FMN2: variants seen among roughly 807,000 people sequenced by gnomAD.
FMN2 encodes formin-2.
Under a neutral mutation model 142.3 loss-of-function variants are expected in FMN2, and 51 were observed. That is an observed-to-expected ratio of 0.36 (90% CI 0.29 to 0.45). The LOEUF (loss-of-function observed/expected upper bound fraction) is 0.45. Ranked by LOEUF, FMN2 falls within the 20% of genes least tolerant of loss-of-function variation. The probability of loss-of-function intolerance (pLI) is 1.00; values close to 1 mark genes in which losing one functional copy is unlikely to be tolerated. For synonymous variants in FMN2, 882 were observed against 869.8 expected (o/e 1.01, Z -0.25); for missense variants, 1,936 against 2,122.8 (o/e 0.91, Z 1.73).
chr1:240,329,426 C>T lies in FMN2; in HGVS notation c.4395C>T (p.Cys1465=). 6.2e-7 allele frequency: 1 copy of T among 1,614,096 alleles called. No homozygotes were observed. The highest frequency in any genetic ancestry group is 2.2e-5 in the East Asian group (1 of 44,878). The change falls in exon 10 of 18, where the codon TGC becomes TGT. Residue 1465 remains cysteine, a synonymous_variant. Transcript: ENST00000319653. ...LFQSTFSESI[C]SIRRKLELLQ... ...AGTCCACATTTTCAGAAAGCATTTGCTCAATTCGTCGCAAACTGGAATTAC... is the reference window on the plus strand; with the variant it reads ...AGTCCACATTTTCAGAAAGCATTTGTTCAATTCGTCGCAAACTGGAATTAC...
At chr1:240,210,057 C>T (rs957323260) in intron 5 of FMN2, among the ~76,000 whole-genome samples, 3 of 152,144 alleles carry the variant, frequency 2.0e-5, no homozygotes. Flanking sequence ...AATTTCATGG[C>T]ACTTCTGTCC....
Position 240,207,496 on chromosome 1 carries a change from C to T in FMN2, c.2684C>T (p.Ala895Val). 1 of 1,613,574 alleles carries T rather than the reference C, an allele frequency of 6.2e-7. No homozygotes were observed. The highest frequency in any genetic ancestry group is 8.5e-7 in the Non-Finnish European group (1 of 1,179,778). The change falls in exon 5 of 18, where the codon GCC becomes GTC. Residue 895 changes from alanine to valine, a missense_variant. Physicochemically the swap from Ala to Val is moderately conservative, Grantham distance 64. Transcript: ENST00000319653. ...GMTVPTLPST[A>V]IPQPPPLQGT... ...ACAGTGCCTACTCTGCCCAGTACAGCCATTCCCCAACCTCCTCCTCTGCAG... is the reference window on the plus strand; with the variant it reads ...ACAGTGCCTACTCTGCCCAGTACAGTCATTCCCCAACCTCCTCCTCTGCAG...
chr1:240,402,540 A>G (rs1340156263), intron 15 of FMN2, among the ~76,000 whole-genome samples: 2 of 152,272 alleles, frequency 1.3e-5, no homozygotes, highest in Non-Finnish European at 1.5e-5. Flanking sequence ...TCACTGGGCA[A>G]GCCAAGCCAT....
At chr1:240,229,559 CTA>C (rs1374786648) in intron 6 of FMN2, among the ~76,000 whole-genome samples, 7 of 152,130 alleles carry the variant, frequency 4.6e-5, no homozygotes, top group Admixed American at 6.5e-5. Flanking sequence ...TAAAAAATGA[CTA>C]TGTTTGGTGG....
At chr1:240,133,371 A>G (rs1662816552) in intron 2 of FMN2, among the ~76,000 whole-genome samples, 1 of 152,076 alleles carries the variant, frequency 6.6e-6, no homozygotes, top group South Asian at 2.1e-4. Flanking sequence ...GGGTCTCCTT[A>G]TGTGGCCAAG....
intron 4 of FMN2, among the ~76,000 whole-genome samples, chr1:240,196,917 A>G (rs1282458921): frequency 6.6e-6 from 1 of 152,196 alleles, no homozygotes; most frequent in Non-Finnish European, 1.5e-5. Flanking sequence ...TTGGAGGATA[A>G]GATGCTTGAT....
At chr1:240,149,040 T>A (rs976652692) in intron 2 of FMN2, among the ~76,000 whole-genome samples, 2 of 152,176 alleles carry the variant, frequency 1.3e-5, no homozygotes, top group Non-Finnish European at 2.9e-5. Flanking sequence ...TATACTGTAC[T>A]CATAAGCCTA....
chr1:240,160,526 C>G (rs937416917), intron 2 of FMN2, among the ~76,000 whole-genome samples: 7 of 149,656 alleles, frequency 4.7e-5, no homozygotes, highest in African/African-American at 1.7e-4. Flanking sequence ...AATGATTCTC[C>G]CTAGAGATTA....
chr1:240,170,072 C>A (rs914405064), intron 2 of FMN2: 31 of 587,228 alleles, frequency 5.3e-5, no homozygotes, highest in African/African-American at 7.5e-5. Context: ...ATAAGCCAAT[C>A]ATGGAATGAG....
chr1:240,430,729 A>C (rs115850130), intron 15 of FMN2, among the ~76,000 whole-genome samples: 4,876 of 151,266 alleles, frequency 0.032, 257 homozygotes, highest in African/African-American at 0.11. Flanking sequence ...AAAAAAAAAA[A>C]AAACTTTCCT....
chr1:240,204,431 T>C (rs1488031265), intron 4 of FMN2, among the ~76,000 whole-genome samples: 1 of 151,810 alleles, frequency 6.6e-6, no homozygotes. Context: ...AAGACTCTGT[T>C]GTGGAAAAAA....
At chr1:240,356,117 T>C (rs77898140) in intron 14 of FMN2, among the ~76,000 whole-genome samples, 12,374 of 152,234 alleles carry the variant, frequency 0.081, 576 homozygotes, top group East Asian at 0.15. Context: ...ACATGCTATT[T>C]GTGGATAATG....
chr1:240,454,842 AAATTC>A (rs142791205), intron 16 of FMN2, among the ~76,000 whole-genome samples: 112,736 of 151,488 alleles, frequency 0.74, 42,114 homozygotes, highest in Middle Eastern at 0.81. Flanking sequence ...TATTGATGGC[AAATTC>A]AAGATAAAGG....
intron 15 of FMN2, among the ~76,000 whole-genome samples, chr1:240,412,458 A>G (rs1407796203): frequency 2.0e-5 from 3 of 152,136 alleles, no homozygotes; most frequent in Admixed American, 6.5e-5. Flanking sequence ...TCCATTTTTT[A>G]AAACCACTTT....
At chr1:240,097,602 G>T (rs1346434723) in intron 1 of FMN2, among the ~76,000 whole-genome samples, 1 of 152,064 alleles carries the variant, frequency 6.6e-6, no homozygotes, top group East Asian at 1.9e-4. Context: ...TGATCCGCCC[G>T]CCTCGGCCGC....
chr1:240,391,750 T>C (rs553346010), intron 14 of FMN2, among the ~76,000 whole-genome samples: 2 of 151,794 alleles, frequency 1.3e-5, no homozygotes, highest in Non-Finnish European at 2.9e-5. Context: ...AGGTCAAACA[T>C]ATATTAATAT....
At chr1:240,223,725 G>A (rs1284790396) in intron 6 of FMN2, among the ~76,000 whole-genome samples, 1 of 152,170 alleles carries the variant, frequency 6.6e-6, no homozygotes, top group Non-Finnish European at 1.5e-5. Context: ...GGGTGTATGT[G>A]TCCAAGAATT....
intron 6 of FMN2, among the ~76,000 whole-genome samples, chr1:240,241,676 C>T (rs979029581): frequency 2.0e-5 from 3 of 152,108 alleles, no homozygotes; most frequent in African/African-American, 7.2e-5. Flanking sequence ...TTCAACTTGA[C>T]TGTATTTAGA....
chr1:240,342,215 T>C (rs1052522755), intron 13 of FMN2, among the ~76,000 whole-genome samples: 6 of 152,232 alleles, frequency 3.9e-5, no homozygotes, highest in Non-Finnish European at 8.8e-5. Flanking sequence ...ATGTTACCGT[T>C]CACTGCTCTG....
Sources: allele counts gnomAD v4.1 joint callset (sites outside exome capture counted in the v4.1 genomes callset), GRCh38; gene constraint gnomAD v4.1.1; transcripts MANE v1.5; gene names NCBI Gene and HGNC (gene_info 2026-07-23, HGNC 2026-07-21).